The following PCDHGA4 variants were observed in gnomAD, a reference collection of about 807,000 sequenced individuals.
The protein encoded by PCDHGA4 is protocadherin gamma subfamily A, 4.
In PCDHGA4, 38 loss-of-function variants were observed where a neutral mutation model predicts 54.6. That is an observed-to-expected ratio of 0.70 (90% CI 0.54 to 0.91). The LOEUF (loss-of-function observed/expected upper bound fraction) is 0.91. PCDHGA4 is among the 40% of genes least tolerant of loss of function. The pLI is 0.00. For missense variants in PCDHGA4, 1,298 were observed against 1,220.9 expected, an observed-to-expected ratio of 1.06 and a Z score of -0.94; for synonymous variants, 511 against 512.9, an observed-to-expected ratio of 1.00 and a Z score of 0.05.
chr5:141,414,227 T>C (rs771676386), intron 1 of PCDHGA4: 2 of 1,613,430 alleles, frequency 1.2e-6, no homozygotes, highest in Non-Finnish European at 1.7e-6. Flanking sequence ...AGTCCAGAGC[T>C]GACCATCACG....
chr5:141,403,685 C>T, intron 1 of PCDHGA4: 4 of 1,613,822 alleles, frequency 2.5e-6, no homozygotes, highest in Non-Finnish European at 3.4e-6. Flanking sequence ...TTTTGCTCAA[C>T]GGATTTACCG....
intron 1 of PCDHGA4, among the ~76,000 whole-genome samples, chr5:141,481,794 A>C (rs1433830305): frequency 6.6e-6 from 1 of 152,136 alleles, no homozygotes; most frequent in East Asian, 1.9e-4. Context: ...TCTACTAAAA[A>C]TACAAAAATT....
At chr5:141,394,660 T>G in intron 1 of PCDHGA4, 1 of 1,613,264 alleles carries the variant, frequency 6.2e-7, no homozygotes, top group East Asian at 2.2e-5. Context: ...GAGCCGGGAC[T>G]CTTCTCGGTG....
Position 141,393,354 on chromosome 5 carries a change from G to A in PCDHGA4, c.2514+35733G>A, listed in dbSNP as rs781276983. The A allele has an allele frequency of 2.4e-5, 39 of 1,613,824 alleles. No homozygotes were observed. The East Asian group carries it at 4.5e-4, about 18-fold the overall frequency. ...CAGCCCCAATCACCACTTCTCCCTG[G>A]ACGTGCAGACTGGAGACAATGGAGC... On this transcript the variant is annotated intron_variant, in intron 1 of 3. Coordinates refer to ENST00000571252, the MANE Select transcript of PCDHGA4 (RefSeq NM_018917.4).
intron 1 of PCDHGA4, among the ~76,000 whole-genome samples, chr5:141,473,017 AGAAG>A (rs1484773075): frequency 7.0e-4 from 107 of 151,874 alleles, no homozygotes; most frequent in Middle Eastern, 3.4e-3. Flanking sequence ...AGAAAAAGAA[AGAAG>A]GAAGGAAGGA....
chr5:141,355,920 C>T lies in PCDHGA4; in HGVS notation c.813C>T (p.Pro271=), dbSNP rs1760043730. Residue 271 remains proline (P), a synonymous_variant, in exon 1 of 4, where the codon CCC becomes CCT. Transcript: ENST00000571252. The part of the protein sequence containing the change: ...IILVDTNDNA[P]VFTQPEYHVS... ...TTGTGGATACCAACGATAATGCTCC[C>T]GTGTTCACTCAGCCCGAGTACCACG... is the stretch of plus-strand genomic sequence containing the variant. 1 of 1,613,790 alleles carries T rather than the reference C, an allele frequency of 6.2e-7. No individual in the cohort carries two copies. The highest frequency in any genetic ancestry group is 8.5e-7 in the Non-Finnish European group (1 of 1,179,858).
chr5:141,480,578 A>G (rs1343189182), intron 1 of PCDHGA4, among the ~76,000 whole-genome samples: 1 of 133,254 alleles, frequency 7.5e-6, no homozygotes, highest in Admixed American at 7.4e-5. Context: ...GCAAGAAATA[A>G]CTGCCGCTCT....
chr5:141,433,878 T>C (rs774226497), intron 1 of PCDHGA4, among the ~76,000 whole-genome samples: 15 of 151,848 alleles, frequency 9.9e-5, no homozygotes, highest in Non-Finnish European at 1.5e-4. Flanking sequence ...GTTTCATCCA[T>C]TGATGACACT....
intron 1 of PCDHGA4, chr5:141,375,866 G>T: frequency 1.2e-6 from 2 of 1,613,948 alleles, no homozygotes; most frequent in Non-Finnish European, 8.5e-7. Flanking sequence ...GGTGGCGGTG[G>T]ACAGAGACTC....
rs370582023 is a variant in PCDHGA4 at position 141,372,189 on chromosome 5, G to A, written c.2514+14568G>A. ...GGTGGTGGCGGTGGACGCAGACTCG[G>A]GATACAACGCCTGGCTGTCCTACCA... On this transcript the variant is annotated intron_variant, in intron 1 of 3. Transcript: ENST00000571252. 3.7e-6 allele frequency: 6 copies of A among 1,613,500 alleles called. No homozygotes were observed. The African/African-American group carries it at 4.0e-5, about 11-fold the overall frequency.
intron 1 of PCDHGA4, chr5:141,365,209 A>G: frequency 2.5e-6 from 4 of 1,613,922 alleles, no homozygotes; most frequent in Non-Finnish European, 3.4e-6. Flanking sequence ...AGACTTTCCA[A>G]CTTGATTCCA....
At chr5:141,460,951 G>GTATATATATA (rs200454978) in intron 1 of PCDHGA4, among the ~76,000 whole-genome samples, 1 of 139,722 alleles carries the variant, frequency 7.2e-6, no homozygotes, top group African/African-American at 2.8e-5. Context: ...TATGTATTAT[G>GTATATATATA]TATATATATA....
intron 1 of PCDHGA4, among the ~76,000 whole-genome samples, chr5:141,456,359 G>A (rs2098853225): frequency 6.6e-6 from 1 of 152,158 alleles, no homozygotes; most frequent in Non-Finnish European, 1.5e-5. Context: ...TGGCGTCCAT[G>A]TGTGGTTCAG....
At position 141,511,345 on chromosome 5, in the gene PCDHGA4, T is replaced by A; in HGVS notation, c.*172T>A. The A allele has an allele frequency of 7.8e-6, 11 of 1,410,508 alleles. No individual in the cohort carries two copies. The highest frequency in any genetic ancestry group is 1.0e-5 in the Non-Finnish European group (11 of 1,060,682). 87.4% of individuals were successfully genotyped at this position (1,410,508 alleles called of 1,614,324 possible). ...AAGTGCCCAGTCAGCACCTACCCCT[T>A]CCCCCCCAGGGGGTTGAATATGCAA... On this transcript the variant is annotated 3_prime_UTR_variant, in exon 4 of 4. Transcript: ENST00000571252.
chr5:141,454,587 G>A (rs1000852095), intron 1 of PCDHGA4, among the ~76,000 whole-genome samples: 22 of 150,902 alleles, frequency 1.5e-4, no homozygotes, highest in African/African-American at 5.4e-4. Context: ...TGTATTTTTA[G>A]TAGAGACAGG....
intron 1 of PCDHGA4, among the ~76,000 whole-genome samples, chr5:141,368,024 A>G (rs948491194): frequency 6.6e-6 from 1 of 152,204 alleles, no homozygotes; most frequent in Admixed American, 6.5e-5. Context: ...TGTGCCTCAA[A>G]TTCCAGGAGG....
In PCDHGA4 at chr5:141,432,700, G is replaced by C. The variant is rs1320099367; in HGVS notation, c.2515-62107G>C. 4 of 1,613,980 alleles carry C rather than the reference G, an allele frequency of 2.5e-6. No individual in the cohort carries two copies. In the Admixed American group the frequency reaches 6.7e-5, roughly 27 times the overall value. ...AGCAGAGCCTCGTAGTGGCCGTCCA[G>C]GACCACGGCCAGCCCCCTCTCTCCG... On this transcript the variant is annotated intron_variant, in intron 1 of 3. Coordinates refer to ENST00000571252, the MANE Select transcript of PCDHGA4 (RefSeq NM_018917.4). The surrounding 1 kb of genome is among the most constrained non-coding windows in gnomAD (Gnocchi z 6.0).
At position 141,489,084 on chromosome 5, in the gene PCDHGA4, C is replaced by CCGG; in HGVS notation, c.2515-5723_2515-5722insCGG. ...CTCCCCCCTGCCCACCCCCGCCACT[C>CCGG]GGTGACTAAGAACTGCTGCAAGCAG... On this transcript the variant is annotated intron_variant, in intron 1 of 3. Coordinates refer to ENST00000571252, the MANE Select transcript of PCDHGA4 (RefSeq NM_018917.4). This position sits in a 1 kb window ranked among gnomAD's most constrained non-coding sequence, Gnocchi z 4.5. The CCGG allele has an allele frequency of 3.0e-6, 1 of 329,134 alleles. No homozygotes were observed. The highest frequency in any genetic ancestry group is 2.5e-5 in the African/African-American group (1 of 40,384). 20.4% of individuals were successfully genotyped at this position (329,134 alleles called of 1,614,324 possible). A position where few individuals can be genotyped will look rare whatever the true frequency, so the allele number is the denominator to read the frequency against.
intron 1 of PCDHGA4, chr5:141,383,793 A>C (rs1348224147): frequency 5.6e-6 from 9 of 1,613,998 alleles, no homozygotes; most frequent in Admixed American, 1.7e-5. Flanking sequence ...ACTCGCTTAC[A>C]GGAGAAATAT....
Sources: gnomAD v4.1 joint callset for allele counts (sites outside exome capture counted in the v4.1 genomes callset) on GRCh38, gnomAD v4.1.1 for gene constraint, Gnocchi (gnomAD v3.1) non-coding constraint, MANE v1.5 for transcripts, NCBI Gene and HGNC (gene_info 2026-07-23, HGNC 2026-07-21) for gene names.